SORCS2: variants seen among roughly 807,000 people sequenced by gnomAD.
SORCS2 encodes sortilin related VPS10 domain containing receptor 2.
In SORCS2, 100 loss-of-function variants were observed where a neutral mutation model predicts 141.6. The ratio of observed to expected loss-of-function variants is 0.71; its 90% CI spans 0.60 to 0.83. The LOEUF (loss-of-function observed/expected upper bound fraction) is 0.83, where lower values mean the gene tolerates loss of function less well. SORCS2 is among the 40% of genes least tolerant of loss of function. The pLI, the probability that SORCS2 is intolerant of heterozygous loss-of-function variation, is 0.00. For missense variants in SORCS2, 1,646 were observed against 1,560.2 expected, an observed-to-expected ratio of 1.05 and a Z score of -0.93; for synonymous variants, 789 against 676.9, an observed-to-expected ratio of 1.17 and a Z score of -2.57.
At chr4:7,534,489 C>G (rs186764425) in intron 3 of SORCS2, among the ~76,000 whole-genome samples, 1 of 152,240 alleles carries the variant, frequency 6.6e-6, no homozygotes, top group South Asian at 2.1e-4. Context: ...ACCCCTGGAA[C>G]GTGTGAATGT....
intron 1 of SORCS2, among the ~76,000 whole-genome samples, chr4:7,361,495 C>T (rs1274660878): frequency 1.3e-5 from 2 of 152,216 alleles, no homozygotes; most frequent in Non-Finnish European, 2.9e-5. Context: ...AGGATCTGGG[C>T]TTCTCACGCT....
At chr4:7,705,087 C>T (rs1725338209) in intron 14 of SORCS2, among the ~76,000 whole-genome samples, 1 of 152,166 alleles carries the variant, frequency 6.6e-6, no homozygotes, top group African/African-American at 2.4e-5. Context: ...TGTAATTAAG[C>T]CAAGATGAGG....
chr4:7,479,573 C>G (rs764820541), intron 2 of SORCS2, among the ~76,000 whole-genome samples: 26 of 152,204 alleles, frequency 1.7e-4, no homozygotes, highest in Non-Finnish European at 4.4e-5. Flanking sequence ...CGCTGGAGCC[C>G]CCTACCCCTG....
At chr4:7,437,955 GGA>G (rs1727417263) in intron 2 of SORCS2, among the ~76,000 whole-genome samples, 1 of 152,162 alleles carries the variant, frequency 6.6e-6, no homozygotes, top group African/African-American at 2.4e-5. Context: ...GAGCGTAGGT[GGA>G]GACATTGTAT....
intron 1 of SORCS2, among the ~76,000 whole-genome samples, chr4:7,297,978 C>G (rs969896725): frequency 8.5e-5 from 13 of 152,210 alleles, no homozygotes; most frequent in Admixed American, 6.5e-4. Flanking sequence ...ATCTGGATAC[C>G]CAGGACCCTG....
intron 3 of SORCS2, among the ~76,000 whole-genome samples, chr4:7,630,954 T>G (rs1209423245): frequency 6.6e-6 from 1 of 151,974 alleles, no homozygotes; most frequent in East Asian, 1.9e-4. Context: ...GACAGAGATT[T>G]GTGAATGGAA....
At chr4:7,237,970 G>A (rs1416714385) in intron 1 of SORCS2, among the ~76,000 whole-genome samples, 1 of 152,136 alleles carries the variant, frequency 6.6e-6, no homozygotes, top group Non-Finnish European at 1.5e-5. Flanking sequence ...GTGCTCAGGA[G>A]TTCTTGGGAT....
chr4:7,657,499 GTAAATGAA>G (rs758553213), intron 5 of SORCS2, among the ~76,000 whole-genome samples: 47 of 149,608 alleles, frequency 3.1e-4, no homozygotes, highest in Non-Finnish European at 5.9e-4. Context: ...GAATGAATGA[GTAAATGAA>G]TGAGTAAATA....
intron 1 of SORCS2, among the ~76,000 whole-genome samples, chr4:7,206,302 C>T (rs955898324): frequency 6.6e-6 from 1 of 152,138 alleles, no homozygotes. Context: ...GCTCCCCAAG[C>T]GCCTGGTGCT....
chr4:7,547,377 T>A (rs1713342536), intron 3 of SORCS2, among the ~76,000 whole-genome samples: 1 of 152,150 alleles, frequency 6.6e-6, no homozygotes, highest in African/African-American at 2.4e-5. Context: ...GCCACTGCCA[T>A]CCCCGGTCGC....
At chr4:7,594,994 A>G (rs769005426) in intron 3 of SORCS2, among the ~76,000 whole-genome samples, 3 of 152,092 alleles carry the variant, frequency 2.0e-5, no homozygotes, top group Admixed American at 6.5e-5. Flanking sequence ...GCTCAGTTCA[A>G]TTCTGACACC....
intron 1 of SORCS2, among the ~76,000 whole-genome samples, chr4:7,195,257 G>A (rs542836966): frequency 6.6e-6 from 1 of 152,268 alleles, no homozygotes; most frequent in South Asian, 2.1e-4. Flanking sequence ...AGGACAGCAA[G>A]TCCAAGGAAC....
intron 1 of SORCS2, among the ~76,000 whole-genome samples, chr4:7,311,111 A>G (rs1321877643): frequency 1.3e-5 from 2 of 151,890 alleles, no homozygotes; most frequent in Non-Finnish European, 2.9e-5. Context: ...GCCTCCTCCC[A>G]GACACCCACT....
At chr4:7,266,380 T>C (rs1255017203) in intron 1 of SORCS2, among the ~76,000 whole-genome samples, 2 of 152,190 alleles carry the variant, frequency 1.3e-5, no homozygotes, top group Non-Finnish European at 2.9e-5. Flanking sequence ...AGTGGAGGGC[T>C]GAAGCGCCCC....
chr4:7,728,719 C>T (rs868658570), intron 22 of SORCS2, among the ~76,000 whole-genome samples: 1 of 152,220 alleles, frequency 6.6e-6, no homozygotes, highest in East Asian at 1.9e-4. Flanking sequence ...TGCACACAGT[C>T]CAGGGACCAC....
chr4:7,488,033 G>A (rs887016412), intron 2 of SORCS2, among the ~76,000 whole-genome samples: 2 of 152,200 alleles, frequency 1.3e-5, no homozygotes, highest in East Asian at 3.9e-4. Context: ...CCCTGCGATG[G>A]CCAGTAGGTT....
intron 2 of SORCS2, among the ~76,000 whole-genome samples, chr4:7,517,782 A>T (rs1051776287): frequency 6.6e-6 from 1 of 152,176 alleles, no homozygotes; most frequent in Non-Finnish European, 1.5e-5. Flanking sequence ...GAGGCTGGGG[A>T]GGAGTTAAAA....
At chr4:7,336,511 C>G (rs1248808472) in intron 1 of SORCS2, among the ~76,000 whole-genome samples, 1 of 111,350 alleles carries the variant, frequency 9.0e-6, no homozygotes, top group Non-Finnish European at 1.9e-5. Context: ...GCCAGTAGCA[C>G]CTTGGGTGAG....
chr4:7,738,209 G>C lies in SORCS2; in HGVS notation c.3415+1037G>C, dbSNP rs778412635. Among the ~76,000 whole-genome samples the C allele has an allele frequency of 3.2e-4, 48 of 152,242 alleles. 1 individual carries two copies. Among genetic ancestry groups the C allele is most frequent in the Admixed American group, 1.2e-3 (19 of 15,292 alleles). On this transcript the variant is annotated intron_variant, in intron 26 of 26. Coordinates refer to ENST00000507866, the MANE Select transcript of SORCS2 (RefSeq NM_020777.3). The stretch of plus-strand genomic sequence containing the variant: ...GAGGGGGGAAACTGAGGCCCAGGAG[G>C]CTCTGAGACTTGCCAGAGGGCTGGG...
Sources: allele counts gnomAD v4.1 joint callset (sites outside exome capture counted in the v4.1 genomes callset), GRCh38; gene constraint gnomAD v4.1.1; transcripts MANE v1.5; gene names NCBI Gene and HGNC (gene_info 2026-07-23, HGNC 2026-07-21).